Variants in TP53BP1 observed in about 807,000 individuals in gnomAD.
TP53BP1 encodes tumor protein p53 binding protein 1, also known as TP53-binding protein 1.
In TP53BP1, 61 loss-of-function variants were observed where a neutral mutation model predicts 200.8. The ratio of observed to expected loss-of-function variants is 0.30; its 90% CI spans 0.25 to 0.38. The LOEUF is 0.38. TP53BP1 is among the 10% of genes least tolerant of loss of function. TP53BP1 has a pLI of 1.00. For synonymous variants in TP53BP1, 822 were observed against 844.3 expected (o/e 0.97, Z 0.46); for missense variants, 2,144 against 2,371.9 (o/e 0.90, Z 2.00).
In TP53BP1 at chr15:43,409,698, G is replaced by A. The variant is rs2045047866; in HGVS notation, c.5349C>T (p.Ser1783=). The A allele has an allele frequency of 3.8e-6, 6 of 1,574,754 alleles. No homozygotes were observed. In the East Asian group the frequency reaches 1.4e-4, roughly 36 times the overall value. Residue 1783 remains serine, a synonymous_variant, in exon 25 of 28, where the codon TCC becomes TCT. Transcript: ENST00000382044. ...IPPFNKQYTE[S]QLRAGAGYIL... ...TATAGCCAGCTCCTGCTCGAAGCTG[G>A]GATTCTGTATACTGCTTGTTGAAAG... is the stretch of plus-strand genomic sequence containing the variant.
chr15:43,438,539 T>TGTATTCCTA, intron 15 of TP53BP1, 123 bp from the exon 16 acceptor site: 1 of 684,442 alleles, frequency 1.5e-6, no homozygotes. Flanking sequence ...CAAACCACCT[T>TGTATTCCTA]ACACCAAAAT....
chr15:43,493,547 G>A (rs1048222923), upstream of TP53BP1, among the ~76,000 whole-genome samples: 5 of 125,094 alleles, frequency 4.0e-5, no homozygotes, highest in African/African-American at 2.4e-4. Flanking sequence ...GGGCAAAGAA[G>A]AAGCGGCTTG....
intron 11 of TP53BP1, 41 bp from the exon 12 acceptor site, chr15:43,457,259 G>C: frequency 6.7e-7 from 1 of 1,492,128 alleles, no homozygotes; most frequent in Non-Finnish European, 9.0e-7. Context: ...ATTTGTACAT[G>C]ATCATATATC....
intron 12 of TP53BP1, among the ~76,000 whole-genome samples, chr15:43,452,586 A>C (rs2046196829): frequency 1.3e-5 from 2 of 151,922 alleles, no homozygotes; most frequent in African/African-American, 4.8e-5. Context: ...AAAAAAGACA[A>C]AAAGCTATTA....
chr15:43,452,608 T>C (rs1474372756), intron 12 of TP53BP1, among the ~76,000 whole-genome samples: 1 of 145,776 alleles, frequency 6.9e-6, no homozygotes, highest in Non-Finnish European at 1.5e-5. Context: ...TCTCCCTTCA[T>C]GTTCTAATTT....
In TP53BP1 at chr15:43,415,656, A is replaced by C; in HGVS notation, c.5027T>G (p.Ile1676Ser). ...MGVLSGKRKL[I>S]TSEEERSPAK... Reference sequence around the variant, plus strand: ...AGGGGACCGTTCCTCTTCAGAAGTGATAAGTTTTCTTTTGCCTGAGAGAAC... The same window carrying C: ...AGGGGACCGTTCCTCTTCAGAAGTGCTAAGTTTTCTTTTGCCTGAGAGAAC... The change falls in exon 23 of 28, where the codon ATC (isoleucine) becomes AGC (serine). Residue 1676 changes from isoleucine to serine, a missense_variant. Ile to Ser is a moderately radical substitution (Grantham distance 142). This residue lies in a region of TP53BP1 where 334 missense variants were observed against 453.4 expected (regional missense o/e 0.74). Coordinates refer to ENST00000382044, the MANE Select transcript of TP53BP1 (RefSeq NM_001141980.3). 6.2e-7 allele frequency: 1 copy of C among 1,614,190 alleles called. No homozygotes were observed. The highest frequency in any genetic ancestry group is 1.1e-5 in the South Asian group (1 of 91,080).
At chr15:43,501,101 A>G (rs1466886305) in intron 1 of TP53BP1, among the ~76,000 whole-genome samples, 1 of 152,160 alleles carries the variant, frequency 6.6e-6, no homozygotes. Flanking sequence ...CCAATTCAAT[A>G]GTTAGGCTTG....
intron 1 of TP53BP1, among the ~76,000 whole-genome samples, chr15:43,498,797 A>G (rs1029887882): frequency 5.3e-5 from 8 of 152,318 alleles, no homozygotes; most frequent in Non-Finnish European, 1.0e-4. Context: ...TCTGGTTATT[A>G]AATAAAAAAT....
intron 10 of TP53BP1, among the ~76,000 whole-genome samples, chr15:43,473,064 A>C (rs2046766323): frequency 6.6e-6 from 1 of 151,722 alleles, no homozygotes; most frequent in African/African-American, 2.4e-5. Flanking sequence ...TACAGCTCTT[A>C]AGGCAGCGCG....
chr15:43,424,879 G>T (rs1222007357), intron 18 of TP53BP1, among the ~76,000 whole-genome samples: 1 of 152,192 alleles, frequency 6.6e-6, no homozygotes, highest in African/African-American at 2.4e-5. Flanking sequence ...ACCTTTAAGA[G>T]GTGATTGAGT....
At chr15:43,426,212 G>A (rs924439908) in intron 18 of TP53BP1, among the ~76,000 whole-genome samples, 1 of 152,046 alleles carries the variant, frequency 6.6e-6, no homozygotes, top group African/African-American at 2.4e-5. Flanking sequence ...GGGAGGCCAA[G>A]GCAGATCACT....
At chr15:43,469,814 TA>T (rs761641268) in intron 11 of TP53BP1, 43 bp downstream of exon 11, 3 of 1,515,062 alleles carry the variant, frequency 2.0e-6, no homozygotes, top group African/African-American at 1.4e-5. Flanking sequence ...AATGCTGCTT[TA>T]AAAAAATATG....
intron 1 of TP53BP1, among the ~76,000 whole-genome samples, chr15:43,499,401 CT>C (rs1238051436): frequency 1.3e-5 from 2 of 152,100 alleles, no homozygotes; most frequent in Non-Finnish European, 2.9e-5. Context: ...ACATGTACCC[CT>C]GAACCTCAAA....
intron 26 of TP53BP1, 95 bp downstream of exon 26, chr15:43,408,802 T>C: frequency 7.9e-7 from 1 of 1,268,192 alleles, no homozygotes; most frequent in Non-Finnish European, 1.1e-6. Context: ...ACATTCCAAT[T>C]TCTAGAAAGC....
At chr15:43,496,993 C>T (rs999695287), upstream of TP53BP1, among the ~76,000 whole-genome samples, 6 of 152,324 alleles carry the variant, frequency 3.9e-5, no homozygotes, top group African/African-American at 1.4e-4. Flanking sequence ...TACTTCTCTA[C>T]GTTTGCAGTC....
At chr15:43,428,317 G>T in intron 17 of TP53BP1, 149 bp from the exon 18 acceptor site, 1 of 668,964 alleles carries the variant, frequency 1.5e-6, no homozygotes, top group Non-Finnish European at 2.5e-6. Context: ...CCACCTATAG[G>T]TAAGACCAGG....
intron 14 of TP53BP1, 135 bp downstream of exon 14, chr15:43,446,252 A>G: frequency 1.4e-6 from 1 of 707,310 alleles, no homozygotes; most frequent in Non-Finnish European, 2.3e-6. Flanking sequence ...AAAAGCAAAG[A>G]ATTAAATCTA....
At chr15:43,452,837 T>C (rs140911730) in intron 12 of TP53BP1, among the ~76,000 whole-genome samples, 97 of 152,294 alleles carry the variant, frequency 6.4e-4, no homozygotes, top group African/African-American at 2.3e-3. Context: ...CAAGAATTCA[T>C]GAAGAATACT....
At chr15:43,423,944 T>C (rs2045466815) in intron 18 of TP53BP1, among the ~76,000 whole-genome samples, 2 of 152,322 alleles carry the variant, frequency 1.3e-5, no homozygotes, top group East Asian at 3.9e-4. Context: ...ATGCTTTCCC[T>C]GGTCAGTCTC....
Sources: allele counts gnomAD v4.1 joint callset (sites outside exome capture counted in the v4.1 genomes callset), GRCh38; gene constraint gnomAD v4.1.1; regional missense constraint gnomAD v4.1.1; transcripts MANE v1.5; gene names NCBI Gene and HGNC (gene_info 2026-07-23, HGNC 2026-07-21).